The following PRKN variants were observed in gnomAD, a reference collection of about 807,000 sequenced individuals.
PRKN encodes the protein E3 ubiquitin-protein ligase parkin.
In PRKN, 56 loss-of-function variants were observed where a neutral mutation model predicts 59.5. The ratio of observed to expected loss-of-function variants is 0.94; its 90% CI spans 0.76 to 1.18. The LOEUF is 1.18. Among genes scored for constraint, PRKN ranks in the 50% most tolerant of loss-of-function variants. The pLI, the probability that PRKN is intolerant of heterozygous loss-of-function variation, is 0.00. For missense variants in PRKN, 657 were observed against 596.4 expected, an observed-to-expected ratio of 1.10 and a Z score of -1.06; for synonymous variants, 250 against 222.1, an observed-to-expected ratio of 1.13 and a Z score of -1.12.
At chr6:162,710,507 T>C (rs1778497626) in intron 1 of PRKN, among the ~76,000 whole-genome samples, 1 of 151,960 alleles carries the variant, frequency 6.6e-6, no homozygotes, top group African/African-American at 2.4e-5. Context: ...CACACTGAAC[T>C]CTACTAATGG....
Position 161,386,657 on chromosome 6 carries a change from C to A in PRKN, c.1167+137G>T. The A allele has an allele frequency of 1.3e-6, 1 of 762,242 alleles. No individual in the cohort carries two copies. The highest frequency in any genetic ancestry group is 2.4e-6 in the Non-Finnish European group (1 of 423,274). 47.2% of individuals were successfully genotyped at this position (762,242 alleles called of 1,614,324 possible). On this transcript the variant is annotated intron_variant, in intron 10 of 11. Transcript: ENST00000366898. The surrounding 1 kb of genome is among the most constrained non-coding windows in gnomAD (Gnocchi z 4.3). ...GAGTCATTCTGGGAGAAGCCACGGCCCCATTCCCATGGCTGTCAGCTACCA... is the reference window on the plus strand; with the variant it reads ...GAGTCATTCTGGGAGAAGCCACGGCACCATTCCCATGGCTGTCAGCTACCA...
chr6:162,065,186 A>T (rs1283059340), intron 4 of PRKN, among the ~76,000 whole-genome samples: 1 of 152,222 alleles, frequency 6.6e-6, no homozygotes, highest in Admixed American at 6.5e-5. Flanking sequence ...GCACAGTCCG[A>T]GTCCAAAAGC....
At chr6:161,823,031 C>G (rs1792097285) in intron 6 of PRKN, among the ~76,000 whole-genome samples, 1 of 151,934 alleles carries the variant, frequency 6.6e-6, no homozygotes, top group African/African-American at 2.4e-5. Flanking sequence ...ACCGCTTGGG[C>G]TCAAGTGATG....
chr6:162,092,272 T>G (rs535788800), intron 4 of PRKN, among the ~76,000 whole-genome samples: 179 of 152,164 alleles, frequency 1.2e-3, no homozygotes, highest in Middle Eastern at 3.4e-3. Flanking sequence ...GGAGAATCAC[T>G]GAACCTGGGA....
At chr6:162,552,957 GGA>G in intron 1 of PRKN, among the ~76,000 whole-genome samples, 1 of 152,250 alleles carries the variant, frequency 6.6e-6, no homozygotes, top group South Asian at 2.1e-4. Context: ...GCCCAGTGCT[GGA>G]GAGAGGCTGC....
At chr6:161,998,910 G>C (rs981713932) in intron 5 of PRKN, among the ~76,000 whole-genome samples, 3 of 152,108 alleles carry the variant, frequency 2.0e-5, no homozygotes, top group Non-Finnish European at 4.4e-5. Flanking sequence ...AAGATGAGTA[G>C]TGTGAACTGA....
chr6:161,548,939 G>A lies in PRKN; in HGVS notation c.998C>T (p.Pro333Leu), dbSNP rs776048801. 6.2e-7 allele frequency: 1 copy of A among 1,613,978 alleles called. No homozygotes were observed. Among genetic ancestry groups the A allele is most frequent in the African/African-American group, 1.3e-5 (1 of 74,902 alleles). The change falls in exon 9 of 12, where the codon CCC (proline) becomes CTC (leucine). Residue 333 changes from proline to leucine, a missense_variant. Physicochemically the swap from Pro to Leu is moderately conservative, Grantham distance 98. Coordinates refer to ENST00000366898, the MANE Select transcript of PRKN (RefSeq NM_004562.3). This position sits in a 1 kb window ranked among gnomAD's most constrained non-coding sequence, Gnocchi z 4.2. ...CAGCCCCGCTCCACAGCCAGGGCGG[G>A]GGCATAACACGCCCCCCATCTGCAG... Reference protein sequence around the residue: ...CVLQMGGVLCPRPGCGAGLLP... With the variant: ...CVLQMGGVLCLRPGCGAGLLP...
At chr6:162,426,568 A>AT (rs1329570301) in intron 2 of PRKN, among the ~76,000 whole-genome samples, 2 of 152,096 alleles carry the variant, frequency 1.3e-5, no homozygotes, top group Non-Finnish European at 2.9e-5. Context: ...CTCCCACCTC[A>AT]TCCCCAAGTG....
intron 6 of PRKN, among the ~76,000 whole-genome samples, chr6:161,886,355 A>T (rs1201060485): frequency 2.0e-5 from 3 of 152,274 alleles, no homozygotes; most frequent in African/African-American, 4.8e-5. Context: ...ATGAAAACAA[A>T]CTTCTCCAAA....
At chr6:162,191,411 A>G (rs1453552711) in intron 4 of PRKN, among the ~76,000 whole-genome samples, 3 of 152,146 alleles carry the variant, frequency 2.0e-5, no homozygotes, top group Non-Finnish European at 2.9e-5. Flanking sequence ...GGAGGCTTCT[A>G]AGAATTATCT....
At chr6:162,165,898 A>T (rs1012319434) in intron 4 of PRKN, among the ~76,000 whole-genome samples, 1 of 151,922 alleles carries the variant, frequency 6.6e-6, no homozygotes, top group African/African-American at 2.4e-5. Context: ...AAATACAAAA[A>T]TTAGCCGGGT....
intron 1 of PRKN, among the ~76,000 whole-genome samples, chr6:162,599,451 GT>G (rs901149623): frequency 7.2e-5 from 11 of 152,076 alleles, no homozygotes; most frequent in African/African-American, 2.7e-4. Flanking sequence ...ACAGAATGGG[GT>G]TCAAATTGAC....
At chr6:162,239,151 T>C (rs76157551) in intron 3 of PRKN, among the ~76,000 whole-genome samples, 3,728 of 152,232 alleles carry the variant, frequency 0.024, 150 homozygotes, top group African/African-American at 0.086. Context: ...ACTATGGATT[T>C]GATGGTATGT....
chr6:161,912,648 C>A (rs1778407962), intron 6 of PRKN, among the ~76,000 whole-genome samples: 1 of 152,098 alleles, frequency 6.6e-6, no homozygotes, highest in Non-Finnish European at 1.5e-5. Flanking sequence ...AGCACAGAAC[C>A]CAGCTGACCC....
At chr6:162,283,257 A>T (rs1255044739) in intron 2 of PRKN, among the ~76,000 whole-genome samples, 1 of 152,180 alleles carries the variant, frequency 6.6e-6, no homozygotes, top group Non-Finnish European at 1.5e-5. Flanking sequence ...GTGCTTTCTA[A>T]CTTTTATTAT....
chr6:161,965,942 A>AT (rs1780562682), intron 6 of PRKN, among the ~76,000 whole-genome samples: 1 of 151,988 alleles, frequency 6.6e-6, no homozygotes, highest in Non-Finnish European at 1.5e-5. Context: ...AAAGTGCTAG[A>AT]TTTTTAGTTA....
chr6:162,063,261 A>G (rs1778179355), intron 4 of PRKN, among the ~76,000 whole-genome samples: 1 of 152,256 alleles, frequency 6.6e-6, no homozygotes, highest in Admixed American at 6.5e-5. Flanking sequence ...TAAAGGACAC[A>G]TTAATAATAC....
At chr6:161,534,404 C>G (rs77051004) in intron 9 of PRKN, among the ~76,000 whole-genome samples, 13,555 of 152,174 alleles carry the variant, frequency 0.089, 932 homozygotes, top group African/African-American at 0.19. Context: ...TGAATGCAGG[C>G]ATCGTTGCTG....
chr6:162,030,434 T>C (rs1469416880), intron 5 of PRKN, among the ~76,000 whole-genome samples: 1 of 152,214 alleles, frequency 6.6e-6, no homozygotes, highest in Non-Finnish European at 1.5e-5. Flanking sequence ...GTCTTCTTAA[T>C]GTCACTGTAA....
Sources: gnomAD v4.1 joint callset for allele counts (sites outside exome capture counted in the v4.1 genomes callset) on GRCh38, gnomAD v4.1.1 for gene constraint, Gnocchi (gnomAD v3.1) non-coding constraint, MANE v1.5 for transcripts, NCBI Gene and HGNC (gene_info 2026-07-23, HGNC 2026-07-21) for gene names.